The following ZNF544 variants were observed in gnomAD, a reference collection of about 807,000 sequenced individuals.
The protein encoded by ZNF544 is zinc finger protein AF020591.
ZNF544 carries 10 observed loss-of-function variants against 13.5 expected under a neutral mutation model. The ratio of observed to expected loss-of-function variants is 0.74; its 90% CI spans 0.46 to 1.25. The LOEUF (loss-of-function observed/expected upper bound fraction) is 1.25, where lower values mean the gene tolerates loss of function less well. Among genes scored for constraint, ZNF544 ranks in the 50% most tolerant of loss-of-function variants. ZNF544 has a pLI of 0.00. For synonymous variants in ZNF544, 323 were observed against 300.5 expected (o/e 1.07, Z -0.77); for missense variants, 896 against 845.6 (o/e 1.06, Z -0.74).
Position 58,243,951 on chromosome 19 carries a change from G to C in ZNF544, c.-59-14G>C. The C allele has an allele frequency of 6.5e-7, 1 of 1,541,294 alleles. No homozygotes were observed. The highest frequency in any genetic ancestry group is 8.8e-7 in the Non-Finnish European group (1 of 1,140,400). On this transcript the variant is annotated splice_polypyrimidine_tract_variant and intron_variant, in intron 3 of 6. Coordinates refer to ENST00000687789, the MANE Select transcript of ZNF544 (RefSeq NM_014480.4). ...GAGCCGAGGGGCTGAATCTCTGCTT[G>C]TTTTCCACCCCAGACTGGTCTTCTG...
At chr19:58,255,807 A>T (rs1175799072) in intron 6 of ZNF544, among the ~76,000 whole-genome samples, 1 of 152,192 alleles carries the variant, frequency 6.6e-6, no homozygotes, top group Middle Eastern at 3.2e-3. Flanking sequence ...GTAACTGGAA[A>T]ATAGAGAAAA....
In ZNF544 at chr19:58,243,982, C is replaced by CT; in HGVS notation, c.-41dup. ...CACCCCAGACTGGTCTTCTGAGGAC[C>CT]TCTGCCCTCTACACAGCGGCCTCTT... On this transcript the variant is annotated 5_prime_UTR_variant, in exon 4 of 7. Transcript: ENST00000687789. 1 of 1,596,838 alleles carries CT rather than the reference C, an allele frequency of 6.3e-7. No individual in the cohort carries two copies. Among genetic ancestry groups the CT allele is most frequent in the Non-Finnish European group, 8.5e-7 (1 of 1,171,272 alleles).
At chr19:58,239,243 C>A (rs999143144) in intron 3 of ZNF544, among the ~76,000 whole-genome samples, 1 of 152,156 alleles carries the variant, frequency 6.6e-6, no homozygotes, top group Non-Finnish European at 1.5e-5. Context: ...GCCAGATCAT[C>A]CTCTAGGGCT....
In ZNF544 at chr19:58,261,320, GAA is replaced by G; in HGVS notation, c.718_719del (p.Asn240ProfsTer3). 6.2e-7 allele frequency: 1 copy of G among 1,614,134 alleles called. No individual in the cohort carries two copies. The highest frequency in any genetic ancestry group is 8.5e-7 in the Non-Finnish European group (1 of 1,180,028). On this transcript the variant is annotated frameshift_variant, in exon 7 of 7. Transcript: ENST00000687789. LOFTEE classifies it low-confidence loss of function (END_TRUNC). Reference protein sequence around the residue: ...SKLGNVETGKKNPYEYIVSGD... With the variant: ...SKLGNVETGKXNPYEYIVSGD... ...AACTTGGAAACGTTGAAACAGGAAA[GAA>G]AAACCCTTATGAATATATTGTCAGT...
At chr19:58,233,140 C>T (rs73566796) in intron 3 of ZNF544, among the ~76,000 whole-genome samples, 7,103 of 151,964 alleles carry the variant, frequency 0.047, 568 homozygotes, top group African/African-American at 0.16. Flanking sequence ...TTTGTAAAAG[C>T]GTCAGATCTC....
In ZNF544 at chr19:58,277,077, C is replaced by G. The variant is rs185864865; in HGVS notation, c.352-106C>G. On this transcript the variant is annotated intron_variant, in intron 6 of 6. Coordinates refer to the ZNF544 transcript ENST00000595981. ...TATGTGGCATTTAGCCTAAGTGACTCTGTCTTGGTTTGGTCTGGTCTCATG... is the reference window on the plus strand; with the variant it reads ...TATGTGGCATTTAGCCTAAGTGACTGTGTCTTGGTTTGGTCTGGTCTCATG... The G allele has an allele frequency of 4.8e-5, 34 of 703,784 alleles. No homozygotes were observed. In the African/African-American group the frequency reaches 5.5e-4, roughly 11 times the overall value. 43.6% of individuals were successfully genotyped at this position (703,784 alleles called of 1,614,324 possible).
intron 3 of ZNF544, among the ~76,000 whole-genome samples, chr19:58,233,970 A>G (rs2041882226): frequency 6.6e-6 from 1 of 152,082 alleles, no homozygotes; most frequent in African/African-American, 2.4e-5. Context: ...TTTAGCCTCC[A>G]CTCCCAATTC....
chr19:58,275,005 G>A (rs2051107494), intron 5 of ZNF544, among the ~76,000 whole-genome samples: 2 of 152,086 alleles, frequency 1.3e-5, no homozygotes, highest in South Asian at 4.1e-4. Context: ...CAGGGTGACA[G>A]GTCCATGACT....
chr19:58,263,412 G>C lies in ZNF544; in HGVS notation c.*658G>C. 1 of 984,392 alleles carries C rather than the reference G, an allele frequency of 1.0e-6. No homozygotes were observed. The highest frequency in any genetic ancestry group is 1.2e-6 in the Non-Finnish European group (1 of 829,188). The allele number at this position is 984,392 out of a possible 1,614,324, so 61.0% of individuals were successfully genotyped here. On this transcript the variant is annotated 3_prime_UTR_variant, in exon 7 of 7. Coordinates refer to ENST00000687789, the MANE Select transcript of ZNF544 (RefSeq NM_014480.4). ...GGAGGCGGTGGTTGCAGTGAGCTGT[G>C]ATCATGCCATCACACCGCTGCCTTG... is the stretch of plus-strand genomic sequence containing the variant.
At chr19:58,248,127 T>G (rs2045663247) in intron 6 of ZNF544, among the ~76,000 whole-genome samples, 1 of 151,982 alleles carries the variant, frequency 6.6e-6, no homozygotes, top group Non-Finnish European at 1.5e-5. Flanking sequence ...TTGGCCAGGA[T>G]GGTCTCGATC....
rs761511052 is a variant in ZNF544, at chr19:58,263,227, G to A, written c.*473G>A. 4.5e-5 allele frequency: 44 copies of A among 980,270 alleles called. No individual in the cohort carries two copies. The highest frequency in any genetic ancestry group is 5.8e-5 in the Admixed American group (1 of 17,116). The allele number at this position is 980,270 out of a possible 1,614,324, so 60.7% of individuals were successfully genotyped here. A position where few individuals can be genotyped will look rare whatever the true frequency, so the allele number is the denominator to read the frequency against. ...TGTAATCCCAGCAGTTTGCGAGGCC[G>A]AGGCAGGTGGATCACTTGAGCCCAG... On this transcript the variant is annotated 3_prime_UTR_variant, in exon 7 of 7. Coordinates refer to ENST00000687789, the MANE Select transcript of ZNF544 (RefSeq NM_014480.4).
intron 3 of ZNF544, among the ~76,000 whole-genome samples, chr19:58,236,744 CT>C (rs112780440): frequency 2.5e-3 from 348 of 139,590 alleles, no homozygotes; most frequent in Middle Eastern, 3.8e-3. Flanking sequence ...TTCTGTGAAA[CT>C]TTTTTTTTTT....
At chr19:58,273,367 G>GA in intron 5 of ZNF544, among the ~76,000 whole-genome samples, 1 of 151,948 alleles carries the variant, frequency 6.6e-6, no homozygotes, top group Admixed American at 6.6e-5. Context: ...TGTATCAAAT[G>GA]ATCAACATGA....
At chr19:58,267,868 C>T (rs1418209501), downstream of ZNF544, among the ~76,000 whole-genome samples, 1 of 151,206 alleles carries the variant, frequency 6.6e-6, no homozygotes, top group Admixed American at 6.6e-5. Context: ...GTAGTCCCAG[C>T]TACTCGGGAG....
chr19:58,241,329 T>C (rs2031269589), intron 3 of ZNF544, among the ~76,000 whole-genome samples: 1 of 150,202 alleles, frequency 6.7e-6, no homozygotes, highest in South Asian at 2.1e-4. Flanking sequence ...TTCTTTTGAG[T>C]AAGTTTAATG....
chr19:58,232,346 CTT>C (rs71190011), intron 3 of ZNF544, among the ~76,000 whole-genome samples: 1,491 of 75,304 alleles, frequency 0.02, 19 homozygotes, highest in African/African-American at 0.072. Context: ...ACAATTTTAT[CTT>C]TTTTTTTTTT....
Position 58,262,125 on chromosome 19 carries a change from CTTG to C in ZNF544, c.1524_1526del (p.Val509del), listed in dbSNP as rs757882037. 1.1e-5 allele frequency: 18 copies of C among 1,612,876 alleles called. No individual in the cohort carries two copies. Among genetic ancestry groups the C allele is most frequent in the South Asian group, 5.5e-5 (5 of 91,018 alleles). On this transcript the variant is annotated inframe_deletion, in exon 7 of 7. Transcript: ENST00000687789. ...GAAATCTTTCAGCCAGAAGTATGAC[CTTG>C]TTGTACATCAGAGGACACACACTGG...
intron 5 of ZNF544, among the ~76,000 whole-genome samples, chr19:58,269,151 C>T (rs997442492): frequency 6.6e-6 from 1 of 152,176 alleles, no homozygotes; most frequent in Non-Finnish European, 1.5e-5. Flanking sequence ...AAACAGATGG[C>T]AGGCTGGGCG....
chr19:58,264,850 T>C (rs2049648398), downstream of ZNF544, among the ~76,000 whole-genome samples: 2 of 151,602 alleles, frequency 1.3e-5, no homozygotes, highest in African/African-American at 4.8e-5. Flanking sequence ...CTACAAAAAA[T>C]AGAATTAGCT....
Sources: gnomAD v4.1 joint callset for allele counts (sites outside exome capture counted in the v4.1 genomes callset) on GRCh38, gnomAD v4.1.1 for gene constraint, MANE v1.5 for transcripts, NCBI Gene and HGNC (gene_info 2026-07-23, HGNC 2026-07-21) for gene names.